The following WWOX variants were observed in gnomAD, a reference collection of about 807,000 sequenced individuals.
WWOX encodes WW domain containing oxidoreductase.
A neutral mutation model predicts 46.2 loss-of-function variants in WWOX; 69 were observed. That is an observed-to-expected ratio of 1.49 (90% confidence interval 1.23 to 1.82). WWOX has a LOEUF of 1.82. Among genes scored for constraint, WWOX ranks in the 40% most tolerant of loss-of-function variants. WWOX has a pLI of 0.00. For missense variants in WWOX, 919 were observed against 542.6 expected, an observed-to-expected ratio of 1.69 and a Z score of -6.89; for synonymous variants, 359 against 202.6, an observed-to-expected ratio of 1.77 and a Z score of -6.56.
chr16:78,481,757 G>A (rs1045296735), intron 8 of WWOX, among the ~76,000 whole-genome samples: 28 of 150,310 alleles, frequency 1.9e-4, no homozygotes, highest in African/African-American at 7.0e-4. Context: ...GTGTGTGTGT[G>A]TGTGTGTGCG....
chr16:78,662,538 C>G (rs2047239943), intron 8 of WWOX, among the ~76,000 whole-genome samples: 1 of 152,118 alleles, frequency 6.6e-6, no homozygotes. Context: ...GGACCAGTTG[C>G]AAGGATGCAG....
chr16:78,634,837 A>AGAGAGTGT lies in WWOX; in HGVS notation c.1056+202086_1056+202087insAGAGTGTG, dbSNP rs1346762709. Among the ~76,000 whole-genome samples, 733 of 111,766 alleles carry AGAGAGTGT rather than the reference A, an allele frequency of 6.6e-3. 3 individuals are homozygous for AGAGAGTGT. The highest frequency in any genetic ancestry group is 8.7e-3 in the Non-Finnish European group (461 of 52,922). 73.3% of individuals were successfully genotyped at this position (111,766 alleles called of 152,430 possible). A position where few individuals can be genotyped will look rare whatever the true frequency, so the allele number is the denominator to read the frequency against. Reference sequence around the variant, plus strand: ...GAGAGAGAGAGAGAGAGAGAGAGAGAGTGTGTGTGTGTGTGTGTGTGTGTG... The same window carrying AGAGAGTGT: ...GAGAGAGAGAGAGAGAGAGAGAGAGAGAGAGTGTGTGTGTGTGTGTGTGTGTGTGTGTG... On this transcript the variant is annotated intron_variant, in intron 8 of 8. Transcript: ENST00000566780.
chr16:78,487,128 A>G (rs1228365787), intron 8 of WWOX, among the ~76,000 whole-genome samples: 2 of 152,172 alleles, frequency 1.3e-5, no homozygotes, highest in African/African-American at 4.8e-5. Flanking sequence ...TTCTATAACA[A>G]CAGCATGGTG....
rs531298417 is a variant in WWOX, at chr16:78,514,887, A to C, written c.1056+82135A>C. Among the ~76,000 whole-genome samples, 3 of 152,242 alleles carry C rather than the reference A, an allele frequency of 2.0e-5. No homozygotes were observed. The South Asian group carries it at 6.2e-4, about 32-fold the overall frequency. ...CTGGGAATACAGCCCCATAAAGTGA[A>C]GTTTCATATATCAGGTAGCAAGATG... is the stretch of plus-strand genomic sequence containing the variant. On this transcript the variant is annotated intron_variant, in intron 8 of 8. Transcript: ENST00000566780.
At chr16:78,932,574 C>G (rs566503276) in intron 8 of WWOX, among the ~76,000 whole-genome samples, 5 of 152,248 alleles carry the variant, frequency 3.3e-5, no homozygotes, top group Non-Finnish European at 7.3e-5. Flanking sequence ...CGAAATGTTC[C>G]TGGCACCGTT....
intron 8 of WWOX, among the ~76,000 whole-genome samples, chr16:78,578,968 A>C (rs1416274467): frequency 1.3e-5 from 2 of 152,158 alleles, no homozygotes; most frequent in African/African-American, 4.8e-5. Flanking sequence ...CTTTTCAGAA[A>C]CCACCACCAC....
At chr16:78,753,270 A>G (rs944465896) in intron 8 of WWOX, among the ~76,000 whole-genome samples, 1 of 152,076 alleles carries the variant, frequency 6.6e-6, no homozygotes, top group Non-Finnish European at 1.5e-5. Flanking sequence ...ACTACCCTCC[A>G]GCCTGGGCGA....
chr16:78,223,918 CAG>C (rs1233033743), intron 5 of WWOX, among the ~76,000 whole-genome samples: 3 of 152,166 alleles, frequency 2.0e-5, no homozygotes, highest in Non-Finnish European at 4.4e-5. Context: ...GATGAGGAAA[CAG>C]AGGCCCAGAT....
chr16:79,013,518 C>T (rs920447429), intron 8 of WWOX, among the ~76,000 whole-genome samples: 7 of 152,184 alleles, frequency 4.6e-5, no homozygotes, highest in Non-Finnish European at 8.8e-5. Context: ...AAAGCTCAGG[C>T]GTGTGCAACA....
chr16:78,721,261 G>A (rs565332592), intron 8 of WWOX, among the ~76,000 whole-genome samples: 1 of 150,562 alleles, frequency 6.6e-6, no homozygotes, highest in Non-Finnish European at 1.5e-5. Context: ...TAGCTTTCAT[G>A]ATGAAGGTGA....
Position 78,138,984 on chromosome 16 carries a change from G to A in WWOX, c.409+23830G>A, listed in dbSNP as rs2033894287. 2.0e-5 allele frequency among the ~76,000 whole-genome samples: 3 copies of A among 152,166 alleles called. No individual in the cohort carries two copies. In the South Asian group the frequency reaches 6.2e-4, roughly 31 times the overall value. ...GACAACCCGTTTATACCTCTGGGTG[G>A]TTGAAACCTTCATGGTTTGTTGTAA... On this transcript the variant is annotated intron_variant, in intron 4 of 8. Coordinates refer to ENST00000566780, the MANE Select transcript of WWOX (RefSeq NM_016373.4).
At chr16:78,418,461 C>T (rs2082848898) in intron 6 of WWOX, among the ~76,000 whole-genome samples, 1 of 151,814 alleles carries the variant, frequency 6.6e-6, no homozygotes, top group Non-Finnish European at 1.5e-5. Context: ...ACTGTGAAGC[C>T]ACTATTACTC....
At chr16:78,347,566 C>A (rs1464186762) in intron 5 of WWOX, among the ~76,000 whole-genome samples, 1 of 119,756 alleles carries the variant, frequency 8.4e-6, no homozygotes, top group African/African-American at 2.8e-5. Flanking sequence ...CCTGACCTTC[C>A]CAGTCCGAAG....
At chr16:79,180,906 A>G (rs1244940191) in intron 8 of WWOX, among the ~76,000 whole-genome samples, 1 of 152,220 alleles carries the variant, frequency 6.6e-6, no homozygotes, top group African/African-American at 2.4e-5. Flanking sequence ...CCACTGCTAC[A>G]TACAAGGACA....
chr16:78,482,843 C>A lies in WWOX; in HGVS notation c.1056+50091C>A, dbSNP rs114366008. Among the ~76,000 whole-genome samples, 597 of 152,286 alleles carry A rather than the reference C, an allele frequency of 3.9e-3. 2 individuals carry two copies. The highest frequency in any genetic ancestry group is 0.014 in the African/African-American group (582 of 41,566). ...AGGATCTATCTCACTCATCTGCCTT[C>A]CTGTGTCTAGCAAGAGGGCCAGGCA... is the stretch of plus-strand genomic sequence containing the variant. On this transcript the variant is annotated intron_variant, in intron 8 of 8. Transcript: ENST00000566780.
intron 5 of WWOX, among the ~76,000 whole-genome samples, chr16:78,384,706 A>T (rs2082023834): frequency 6.6e-6 from 1 of 152,098 alleles, no homozygotes; most frequent in Non-Finnish European, 1.5e-5. Context: ...TCGTTCCAAA[A>T]TCTGCACACT....
intron 8 of WWOX, among the ~76,000 whole-genome samples, chr16:78,824,727 G>A (rs1045469118): frequency 2.6e-5 from 4 of 152,072 alleles, no homozygotes; most frequent in Admixed American, 6.6e-5. Flanking sequence ...CGAGGATAGC[G>A]CAGGAAAGAC....
rs575009616 is a variant in WWOX, at chr16:78,212,595, G to A, written c.516+48306G>A. Reference sequence around the variant, plus strand: ...TAGGTCCCCTTCATGACAAGGTGGTGAGAAACATTTTCTTGTTCTACAAAT... The same window carrying A: ...TAGGTCCCCTTCATGACAAGGTGGTAAGAAACATTTTCTTGTTCTACAAAT... On this transcript the variant is annotated intron_variant, in intron 5 of 8. Coordinates refer to ENST00000566780, the MANE Select transcript of WWOX (RefSeq NM_016373.4). Among the ~76,000 whole-genome samples the A allele has an allele frequency of 5.2e-4, 79 of 152,302 alleles. 1 individual carries two copies. The highest frequency in any genetic ancestry group is 1.9e-3 in the African/African-American group (79 of 41,574).
At chr16:78,459,607 A>G (rs1488063142) in intron 8 of WWOX, among the ~76,000 whole-genome samples, 1 of 152,198 alleles carries the variant, frequency 6.6e-6, no homozygotes, top group Admixed American at 6.6e-5. Flanking sequence ...TTTATGAGGC[A>G]AAATCTACTT....
Sources: allele counts gnomAD v4.1 joint callset (sites outside exome capture counted in the v4.1 genomes callset), GRCh38; gene constraint gnomAD v4.1.1; transcripts MANE v1.5; gene names NCBI Gene and HGNC (gene_info 2026-07-23, HGNC 2026-07-21).